Variants in FARS2 observed in about 807,000 individuals in gnomAD.
The protein encoded by FARS2 is phenylalanine--tRNA ligase, mitochondrial.
A neutral mutation model predicts 46.4 loss-of-function variants in FARS2; 40 were observed. The ratio of observed to expected loss-of-function variants is 0.86; its 90% CI spans 0.67 to 1.12. FARS2 has a LOEUF of 1.12. Among genes scored for constraint, FARS2 ranks in the 50% most tolerant of loss-of-function variants. The probability of loss-of-function intolerance (pLI) is 0.00; values close to 1 mark genes in which losing one functional copy is unlikely to be tolerated. For synonymous variants in FARS2, 234 were observed against 214.9 expected (o/e 1.09, Z -0.78); for missense variants, 513 against 567.9 (o/e 0.90, Z 0.98).
chr6:5,338,524 T>C (rs1771322186), intron 1 of FARS2, among the ~76,000 whole-genome samples: 2 of 152,204 alleles, frequency 1.3e-5, no homozygotes, highest in South Asian at 4.1e-4. Context: ...TTGACCGCAG[T>C]GACTTTCCTC....
intron 1 of FARS2, among the ~76,000 whole-genome samples, chr6:5,280,600 GTTTC>G (rs1766650264): frequency 6.6e-6 from 1 of 151,878 alleles, no homozygotes; most frequent in African/African-American, 2.4e-5. Flanking sequence ...TGATACTTCA[GTTTC>G]TTTATCTGGA....
chr6:5,384,130 A>G (rs1759969342), intron 2 of FARS2, among the ~76,000 whole-genome samples: 1 of 152,178 alleles, frequency 6.6e-6, no homozygotes, highest in African/African-American at 2.4e-5. Context: ...TTGCCTTGAC[A>G]CATGGAGATA....
intron 6 of FARS2, among the ~76,000 whole-genome samples, chr6:5,710,771 A>G (rs1232929400): frequency 6.6e-6 from 1 of 152,220 alleles, no homozygotes; most frequent in African/African-American, 2.4e-5. Context: ...TGATCGATAT[A>G]TGGGTGAGCA....
upstream of FARS2, among the ~76,000 whole-genome samples, chr6:5,257,553 GTGGCC>G (rs1359567324): frequency 6.6e-6 from 1 of 152,194 alleles, no homozygotes; most frequent in Non-Finnish European, 1.5e-5. Flanking sequence ...GTACTGGTCC[GTGGCC>G]TGTTAGGAAC....
At chr6:5,457,914 G>A (rs2432797) in intron 4 of FARS2, 35,962 of 152,154 alleles carry the variant, frequency 0.24, 4,663 homozygotes, top group East Asian at 0.35. Flanking sequence ...CAGATCCGTC[G>A]TACAAATTAT....
chr6:5,492,771 ATGTGGAGATGCAC>A (rs1767202344), intron 4 of FARS2, among the ~76,000 whole-genome samples: 2 of 152,242 alleles, frequency 1.3e-5, no homozygotes, highest in African/African-American at 2.4e-5. Context: ...GCAGAGGCTG[ATGTGGAGATGCAC>A]CACTGTGCCC....
chr6:5,734,494 C>G (rs1415389430), intron 6 of FARS2, among the ~76,000 whole-genome samples: 1 of 152,180 alleles, frequency 6.6e-6, no homozygotes, highest in East Asian at 1.9e-4. Flanking sequence ...CTTGTGCTCT[C>G]TATTTGAGAG....
chr6:5,689,374 G>A (rs896230675), intron 6 of FARS2, among the ~76,000 whole-genome samples: 15 of 151,826 alleles, frequency 9.9e-5, no homozygotes, highest in South Asian at 2.1e-4. Flanking sequence ...CTTTGAATGC[G>A]TCCCAGAGAT....
intron 2 of FARS2, among the ~76,000 whole-genome samples, chr6:5,398,425 A>G (rs917830253): frequency 2.6e-5 from 4 of 152,100 alleles, no homozygotes; most frequent in Admixed American, 2.0e-4. Flanking sequence ...AAATTTACCC[A>G]GGTTTGGTCT....
intron 4 of FARS2, among the ~76,000 whole-genome samples, chr6:5,498,015 C>G (rs1767572192): frequency 1.3e-5 from 2 of 152,178 alleles, no homozygotes; most frequent in Admixed American, 6.5e-5. Context: ...TAGCTATCTT[C>G]TCTGATCACA....
chr6:5,391,553 A>C (rs1204348911), intron 2 of FARS2, among the ~76,000 whole-genome samples: 5 of 148,404 alleles, frequency 3.4e-5, no homozygotes, highest in African/African-American at 1.2e-4. Flanking sequence ...GTATAGATGA[A>C]ACTGGTGGTC....
chr6:5,770,304 G>A (rs372423236), intron 6 of FARS2, among the ~76,000 whole-genome samples: 1 of 152,222 alleles, frequency 6.6e-6, no homozygotes, highest in African/African-American at 2.4e-5. Context: ...CTAAGGGCTG[G>A]TTGACGGCAT....
rs574462015 is a variant in FARS2, at chr6:5,510,791, G to A, written c.905-34389G>A. On this transcript the variant is annotated intron_variant, in intron 4 of 6. Coordinates refer to ENST00000274680, the MANE Select transcript of FARS2 (RefSeq NM_006567.5). ...CCCTCTTGTCCTCTTGTCCTTTTGG[G>A]GATTCACTGTCAGAGGAGATGACCT... is the stretch of plus-strand genomic sequence containing the variant. Among the ~76,000 whole-genome samples, 6 of 151,968 alleles carry A rather than the reference G, an allele frequency of 3.9e-5. No individual in the cohort carries two copies. In the South Asian group the frequency reaches 1.3e-3, roughly 32 times the overall value.
intron 1 of FARS2, among the ~76,000 whole-genome samples, chr6:5,303,170 G>T (rs1371532146): frequency 6.6e-6 from 1 of 152,158 alleles, no homozygotes; most frequent in Non-Finnish European, 1.5e-5. Flanking sequence ...CAACCTGTAT[G>T]TGAAGCTTCT....
chr6:5,704,927 G>T (rs191828161), intron 6 of FARS2, among the ~76,000 whole-genome samples: 1 of 152,318 alleles, frequency 6.6e-6, no homozygotes, highest in Non-Finnish European at 1.5e-5. Flanking sequence ...CAGGGTGGTT[G>T]TGAGGCATAA....
At chr6:5,260,859 G>A, upstream of FARS2, 6 of 1,486,870 alleles carry the variant, frequency 4.0e-6, no homozygotes, top group South Asian at 2.6e-5. Context: ...CTTTGCCAGC[G>A]GGCCGGGCCT....
intron 5 of FARS2, among the ~76,000 whole-genome samples, chr6:5,599,162 C>T (rs1025044814): frequency 6.6e-6 from 1 of 152,144 alleles, no homozygotes; most frequent in Non-Finnish European, 1.5e-5. Flanking sequence ...GTTAGGGGTT[C>T]GCAGACCTAG....
intron 4 of FARS2, among the ~76,000 whole-genome samples, chr6:5,465,868 G>GA (rs1408665638): frequency 6.7e-6 from 1 of 149,914 alleles, no homozygotes; most frequent in African/African-American, 2.4e-5. Context: ...TACTTTTTTT[G>GA]AAAAAAAGAA....
intron 5 of FARS2, among the ~76,000 whole-genome samples, chr6:5,567,073 A>C (rs1772363962): frequency 6.6e-6 from 1 of 152,272 alleles, no homozygotes. Flanking sequence ...AGTCTAAAAC[A>C]GTCTATAGGT....
Sources: allele counts gnomAD v4.1 joint callset (sites outside exome capture counted in the v4.1 genomes callset), GRCh38; gene constraint gnomAD v4.1.1; transcripts MANE v1.5; gene names NCBI Gene and HGNC (gene_info 2026-07-23, HGNC 2026-07-21).